The following ASMTL variants were observed in gnomAD, a reference collection of about 807,000 sequenced individuals.
The protein encoded by ASMTL is acetylserotonin O-methyltransferase like, also known as probable bifunctional dTTP/UTP pyrophosphatase/methyltransferase protein.
ASMTL carries 57 observed loss-of-function variants against 60.3 expected under a neutral mutation model. That is an observed-to-expected ratio of 0.95 (90% confidence interval 0.76 to 1.18). The LOEUF (loss-of-function observed/expected upper bound fraction) is 1.18. Among genes scored for constraint, ASMTL ranks in the 50% most tolerant of loss-of-function variants. The probability of loss-of-function intolerance (pLI) is 0.00; values close to 1 mark genes in which losing one functional copy is unlikely to be tolerated. For synonymous variants in ASMTL, 419 were observed against 373.0 expected, an observed-to-expected ratio of 1.12 and a Z score of -1.42; for missense variants, 981 against 852.6, an observed-to-expected ratio of 1.15 and a Z score of -1.88.
At chrX:1,422,745 T>G (rs1442867934) in intron 8 of ASMTL, among the ~76,000 whole-genome samples, 3 of 152,104 alleles carry the variant, frequency 2.0e-5, no homozygotes, top group African/African-American at 7.2e-5. Context: ...ACCCTGAGTG[T>G]ACGGTTTGCT....
chrX:1,412,107 A>G (rs5948840), intron 12 of ASMTL, among the ~76,000 whole-genome samples: 67,864 of 151,608 alleles, frequency 0.45, 15,322 homozygotes, highest in Middle Eastern at 0.47. Context: ...GTGAGCCACC[A>G]CACCTGGCCA....
intron 1 of ASMTL, among the ~76,000 whole-genome samples, chrX:1,450,365 T>C (rs1182337902): frequency 6.6e-6 from 1 of 151,660 alleles, no homozygotes; most frequent in African/African-American, 2.4e-5. Flanking sequence ...GCCCACTCCA[T>C]CCCTAGAAGT....
rs182788969 is a variant in ASMTL at position 1,420,473 on chromosome X, C to G, written c.1245+1185G>C. Among the ~76,000 whole-genome samples the G allele has an allele frequency of 3.9e-5, 6 of 152,296 alleles. No homozygotes were observed. The East Asian group carries it at 9.7e-4, about 25-fold the overall frequency. ...TCATCTCTGCATCACACACACACAC[C>G]CTGACTCCGTGCTCACTGCCACAGA... On this transcript the variant is annotated intron_variant, in intron 9 of 12. Transcript: ENST00000381317.
intron 11 of ASMTL, among the ~76,000 whole-genome samples, chrX:1,417,405 C>T (rs6645288): frequency 0.69 from 94,778 of 137,818 alleles, 31,083 homozygotes; most frequent in South Asian, 0.86. Flanking sequence ...CTTGCAGACA[C>T]GTGGACACAC....
At chrX:1,431,201 C>A (rs867168215) in intron 6 of ASMTL, among the ~76,000 whole-genome samples, 56 of 113,732 alleles carry the variant, frequency 4.9e-4, no homozygotes, top group African/African-American at 1.8e-3. Context: ...AATTATATAT[C>A]ATTTATAATT....
chrX:1,434,956 T>TC, intron 5 of ASMTL, 66 bp downstream of exon 5: 1 of 1,571,060 alleles, frequency 6.4e-7, no homozygotes, highest in Admixed American at 1.7e-5. Context: ...AAGCCAAGGG[T>TC]CCCGAGAATG....
At chrX:1,417,057 C>T (rs1271211977) in intron 11 of ASMTL, among the ~76,000 whole-genome samples, 2 of 151,494 alleles carry the variant, frequency 1.3e-5, no homozygotes, top group Non-Finnish European at 2.9e-5. Context: ...CAGATGCTCA[C>T]ATATCCACAC....
intron 9 of ASMTL, among the ~76,000 whole-genome samples, chrX:1,420,804 CTATTTT>C (rs2090465515): frequency 6.6e-6 from 1 of 152,164 alleles, no homozygotes; most frequent in Non-Finnish European, 1.5e-5. Context: ...CTTCCTATTT[CTATTTT>C]TCAGACAGAG....
At chrX:1,415,009 C>T (rs1246780873) in intron 11 of ASMTL, among the ~76,000 whole-genome samples, 2 of 151,936 alleles carry the variant, frequency 1.3e-5, no homozygotes, top group Non-Finnish European at 2.9e-5. Context: ...GGCGCGATCT[C>T]GGCTCACGGC....
intron 11 of ASMTL, among the ~76,000 whole-genome samples, chrX:1,416,431 G>A (rs867819707): frequency 0.038 from 3,219 of 85,262 alleles, 801 homozygotes; most frequent in Admixed American, 0.047. Context: ...ACAGGCACAC[G>A]CACATAAACA....
intron 12 of ASMTL, among the ~76,000 whole-genome samples, chrX:1,404,325 G>A (rs1569530325): frequency 6.7e-6 from 1 of 148,424 alleles, no homozygotes; most frequent in Non-Finnish European, 1.5e-5. Flanking sequence ...TACATAGATA[G>A]ATGAATGGAT....
At chrX:1,434,004 G>T (rs1253192478) in intron 5 of ASMTL, among the ~76,000 whole-genome samples, 3 of 152,196 alleles carry the variant, frequency 2.0e-5, no homozygotes, top group African/African-American at 7.2e-5. Context: ...GGGATATGGG[G>T]CTGGGATTGT....
At position 1,429,710 on chromosome X, in the gene ASMTL, T is replaced by A. The variant is rs757709700; in HGVS notation, c.510-1589A>T. 1.4e-4 allele frequency among the ~76,000 whole-genome samples: 22 copies of A among 152,000 alleles called. No individual in the cohort carries two copies. In the East Asian group the frequency reaches 4.3e-3, roughly 30 times the overall value. ...TACTTGGGAAGCTGAGGCAGGAGAA[T>A]CGTTTGAAACTGGAAGGTGGAGGTT... On this transcript the variant is annotated intron_variant, in intron 6 of 12. Coordinates refer to ENST00000381317, the MANE Select transcript of ASMTL (RefSeq NM_004192.4).
intron 2 of ASMTL, among the ~76,000 whole-genome samples, chrX:1,440,180 G>A (rs1420348951): frequency 8.6e-5 from 13 of 151,392 alleles, no homozygotes; most frequent in Admixed American, 4.0e-4. Context: ...TCCGCCTCCC[G>A]GGTTCACGCC....
intron 12 of ASMTL, among the ~76,000 whole-genome samples, chrX:1,408,199 G>A (rs1347785826): frequency 3.2e-5 from 2 of 63,012 alleles, no homozygotes; most frequent in African/African-American, 4.7e-5. Flanking sequence ...CCAAATACTC[G>A]GGAGGCTGAG....
At chrX:1,418,908 G>A (rs1269527486) in intron 10 of ASMTL, 74 bp downstream of exon 10, 2 of 1,579,694 alleles carry the variant, frequency 1.3e-6, no homozygotes, top group Non-Finnish European at 1.7e-6. Flanking sequence ...CAGTTGGTAG[G>A]TGTCCTGAGC....
rs868477813 is a variant in ASMTL at position 1,416,398 on chromosome X, C to T, written c.1522+1575G>A. On this transcript the variant is annotated intron_variant, in intron 11 of 12. Coordinates refer to ENST00000381317, the MANE Select transcript of ASMTL (RefSeq NM_004192.4). ...ATGCACAGATGGGCACACACACACACGGACATACAGATACACCAACAGACA... is the reference window on the plus strand; with the variant it reads ...ATGCACAGATGGGCACACACACACATGGACATACAGATACACCAACAGACA... Among the ~76,000 whole-genome samples the T allele has an allele frequency of 1.4e-3, 160 of 116,380 alleles. 3 individuals are homozygous for T. The highest frequency in any genetic ancestry group is 4.4e-3 in the African/African-American group (153 of 34,532). The allele number at this position is 116,380 out of a possible 152,430, so 76.3% of individuals were successfully genotyped here. A position where few individuals can be genotyped will look rare whatever the true frequency, so the allele number is the denominator to read the frequency against.
intron 12 of ASMTL, among the ~76,000 whole-genome samples, chrX:1,412,006 G>C (rs1483220822): frequency 6.6e-6 from 1 of 151,716 alleles, no homozygotes; most frequent in Non-Finnish European, 1.5e-5. Context: ...TAATAGAGAC[G>C]GGGTTTCACC....
rs1296101586 is a variant in ASMTL at position 1,416,596 on chromosome X, CATAT to C, written c.1522+1373_1522+1376del. ...AGACGCAGACACACAGACATACACA[CATAT>C]ACCCACACAGACGCACAGAAACACA... On this transcript the variant is annotated intron_variant, in intron 11 of 12. Coordinates refer to ENST00000381317, the MANE Select transcript of ASMTL (RefSeq NM_004192.4). Among the ~76,000 whole-genome samples, 8 of 149,088 alleles carry C rather than the reference CATAT, an allele frequency of 5.4e-5. No individual in the cohort carries two copies. The East Asian group carries it at 1.4e-3, about 26-fold the overall frequency.
Sources: gnomAD v4.1 joint callset for allele counts (sites outside exome capture counted in the v4.1 genomes callset) on GRCh38, gnomAD v4.1.1 for gene constraint, MANE v1.5 for transcripts, NCBI Gene and HGNC (gene_info 2026-07-23, HGNC 2026-07-21) for gene names.